The following PSMD3 variants were observed in gnomAD, a reference collection of about 807,000 sequenced individuals.
PSMD3 encodes the protein proteasome 26S subunit, non-ATPase 3, also known as 26S proteasome non-ATPase regulatory subunit 3.
Under a neutral mutation model 62.8 loss-of-function variants are expected in PSMD3, and 5 were observed. The observed-to-expected ratio is 0.08, with a 90% CI of 0.04 to 0.17. PSMD3 has a LOEUF of 0.17. PSMD3 is among the 10% of genes least tolerant of loss of function. PSMD3 has a pLI of 1.00. For missense variants in PSMD3, 524 were observed against 713.6 expected, an observed-to-expected ratio of 0.73 and a Z score of 3.03; for synonymous variants, 265 against 283.9, an observed-to-expected ratio of 0.93 and a Z score of 0.67.
Position 39,981,006 on chromosome 17 carries a change from G to T in PSMD3, c.36G>T (p.Ala12=). Residue 12 remains alanine, a synonymous_variant, in exon 1 of 12, where the codon GCG becomes GCT. Transcript: ENST00000264639. ...KQEGSARRRG[A]DKAKPPPGGG... ...AGGGCTCGGCGCGGCGCCGCGGCGC[G>T]GACAAGGCGAAACCGCCGCCCGGCG... 6.5e-7 allele frequency: 1 copy of T among 1,548,332 alleles called. No homozygotes were observed. Among genetic ancestry groups the T allele is most frequent in the Middle Eastern group, 2.0e-4 (1 of 5,030 alleles).
chr17:39,989,599 C>A, intron 4 of PSMD3, 140 bp from the exon 5 acceptor site: 1 of 818,478 alleles, frequency 1.2e-6, no homozygotes, highest in Non-Finnish European at 1.9e-6. Context: ...CTTAGGCACT[C>A]GATAGTTAAC....
In PSMD3 at chr17:39,995,720, A is replaced by T. The variant is rs915708837; in HGVS notation, c.1320+193A>T. On this transcript the variant is annotated intron_variant, in intron 9 of 11. Coordinates refer to ENST00000264639, the MANE Select transcript of PSMD3 (RefSeq NM_002809.4). The surrounding 1 kb of genome is among the most constrained non-coding windows in gnomAD (Gnocchi z 4.1). ...GCATGGATGTGCATGTGAGTGTGTG[A>T]GTGTAGGTGTGTGCACATGTTGAGT... The T allele has an allele frequency of 6.0e-5, 37 of 617,502 alleles. No homozygotes were observed. The highest frequency in any genetic ancestry group is 9.0e-5 in the Non-Finnish European group (31 of 344,388). The allele number at this position is 617,502 out of a possible 1,614,324, so 38.3% of individuals were successfully genotyped here.
intron 1 of PSMD3, among the ~76,000 whole-genome samples, chr17:39,982,384 G>A (rs1269750418): frequency 1.3e-5 from 2 of 152,108 alleles, no homozygotes; most frequent in Non-Finnish European, 2.9e-5. Flanking sequence ...TAAAAAACAT[G>A]GTTAACATTT....
chr17:39,995,325 A>AG lies in PSMD3; in HGVS notation c.1216+32dup. 6.2e-7 allele frequency: 1 copy of AG among 1,614,102 alleles called. No individual in the cohort carries two copies. Among genetic ancestry groups the AG allele is most frequent in the Non-Finnish European group, 8.5e-7 (1 of 1,180,000 alleles). On this transcript the variant is annotated intron_variant, in intron 8 of 11. Coordinates refer to ENST00000264639, the MANE Select transcript of PSMD3 (RefSeq NM_002809.4). This position sits in a 1 kb window ranked among gnomAD's most constrained non-coding sequence, Gnocchi z 4.1. ...GGATCAGGATCTGAGGGGCTGTTGG[A>AG]GGAGCAGAAGCCAGGCCAGGGCAAA...
intron 6 of PSMD3, 21 bp downstream of exon 6, chr17:39,990,218 T>A: frequency 6.9e-7 from 1 of 1,450,582 alleles, no homozygotes; most frequent in Non-Finnish European, 9.3e-7. Context: ...ACTACCATCA[T>A]CCCTTTGCCT....
In PSMD3 at chr17:39,980,840, G is replaced by C; in HGVS notation, c.-131G>C. ...CAGCGCCGGGAAGGGGTTTGCAGCT[G>C]CTCCGTCATCGTGCGGCCCGACGCT... On this transcript the variant is annotated 5_prime_UTR_variant, in exon 1 of 12. Coordinates refer to ENST00000264639, the MANE Select transcript of PSMD3 (RefSeq NM_002809.4). 1 of 835,958 alleles carries C rather than the reference G, an allele frequency of 1.2e-6. No homozygotes were observed. The highest frequency in any genetic ancestry group is 1.8e-6 in the Non-Finnish European group (1 of 568,170). 51.8% of individuals were successfully genotyped at this position (835,958 alleles called of 1,614,324 possible). A position where few individuals can be genotyped will look rare whatever the true frequency, so the allele number is the denominator to read the frequency against.
chr17:39,988,186 T>C (rs1326307211), intron 3 of PSMD3, among the ~76,000 whole-genome samples: 1 of 152,168 alleles, frequency 6.6e-6, no homozygotes, highest in Non-Finnish European at 1.5e-5. Context: ...TTCCAGAACA[T>C]TTTCATCACC....
In PSMD3 at chr17:39,996,316, A is replaced by G. The variant is rs777693949; in HGVS notation, c.1454A>G (p.Asp485Gly). 6 of 1,613,918 alleles carry G rather than the reference A, an allele frequency of 3.7e-6. No homozygotes were observed. The highest frequency in any genetic ancestry group is 5.1e-6 in the Non-Finnish European group (6 of 1,179,986). Reference protein sequence around the residue: ...AFHQRISFCLDIHNMSVKAMR... With the variant: ...AFHQRISFCLGIHNMSVKAMR... The stretch of plus-strand genomic sequence containing the variant: ...CACCAGCGCATCTCCTTCTGCCTAG[A>G]TATCCACAACATGTCTGTCAAGGTG... Residue 485 changes from aspartate (D) to glycine (G), a missense_variant, in exon 10 of 12, where the codon GAT becomes GGT. Physicochemically the swap from Asp to Gly is moderately conservative, Grantham distance 94. Around this residue, in one of 4 missense-constraint regions of PSMD3, gnomAD observed 76 missense variants for 97.3 expected, o/e 0.78. Transcript: ENST00000264639. The surrounding 1 kb of genome is among the most constrained non-coding windows in gnomAD (Gnocchi z 5.1).
Position 39,988,745 on chromosome 17 carries a change from C to G in PSMD3, c.612C>G (p.Asp204Glu). ...KISTQNRRAL[D>E]LVAAKCYYYH... ...GTACTCAGAACCGCCGGGCCCTAGACCTTGTAGCCGCAAAGTGTTACTATT... is the reference window on the plus strand; with the variant it reads ...GTACTCAGAACCGCCGGGCCCTAGAGCTTGTAGCCGCAAAGTGTTACTATT... The change falls in exon 4 of 12, where the codon GAC (aspartate) becomes GAG (glutamate). Residue 204 changes from aspartate (D) to glutamate (E), a missense_variant. By Grantham distance (45) the Asp-to-Glu change is conservative (BLOSUM62 2). Around this residue, in one of 4 missense-constraint regions of PSMD3, gnomAD observed 396 missense variants for 475.8 expected, o/e 0.83. Transcript: ENST00000264639. 1.2e-6 allele frequency: 2 copies of G among 1,614,162 alleles called. No individual in the cohort carries two copies.
At chr17:39,984,922 C>T (rs1304546528) in intron 2 of PSMD3, among the ~76,000 whole-genome samples, 7 of 151,154 alleles carry the variant, frequency 4.6e-5, no homozygotes, top group Admixed American at 2.0e-4. Flanking sequence ...GAGGCTGAGG[C>T]GGGCACAGTG....
chr17:39,986,828 C>G (rs370199818), intron 3 of PSMD3, 116 bp downstream of exon 3: 1 of 1,338,868 alleles, frequency 7.5e-7, no homozygotes. Context: ...GAACTGTCCC[C>G]CACACTCTTT....
At position 39,996,190 on chromosome 17, in the gene PSMD3, G is replaced by C; in HGVS notation, c.1328G>C (p.Arg443Pro). Reference protein sequence around the residue: ...DAEFIVAKAIRDGVIEASINH... With the variant: ...DAEFIVAKAIPDGVIEASINH... ...CTCTTTGGGGGCCTGCAGGCCATCC[G>C]GGATGGTGTCATTGAGGCCAGCATC... The change falls in exon 10 of 12, where the codon CGG becomes CCG. Residue 443 changes from arginine (R) to proline (P), a missense_variant. Arg to Pro is a moderately radical substitution (Grantham distance 103). Coordinates refer to ENST00000264639, the MANE Select transcript of PSMD3 (RefSeq NM_002809.4). This position sits in a 1 kb window ranked among gnomAD's most constrained non-coding sequence, Gnocchi z 5.1. 6.2e-7 allele frequency: 1 copy of C among 1,613,642 alleles called. No individual in the cohort carries two copies. The highest frequency in any genetic ancestry group is 8.5e-7 in the Non-Finnish European group (1 of 1,179,982).
At chr17:39,981,312 G>T in intron 1 of PSMD3, 122 bp downstream of exon 1, 1 of 1,463,054 alleles carries the variant, frequency 6.8e-7, no homozygotes, top group Non-Finnish European at 9.1e-7. Flanking sequence ...ATCACCCCCA[G>T]ATACCTGCTC....
chr17:39,990,252 G>A, intron 6 of PSMD3, 55 bp downstream of exon 6: 2 of 1,308,294 alleles, frequency 1.5e-6, no homozygotes, highest in Non-Finnish European at 2.1e-6. Context: ...TTTTTTAAAT[G>A]GTGTCTTGCT....
rs1319260383 is a variant in PSMD3 at position 39,981,207 on chromosome 17, C to G, written c.220+17C>G. 1 of 1,549,412 alleles carries G rather than the reference C, an allele frequency of 6.5e-7. No homozygotes were observed. Among genetic ancestry groups the G allele is most frequent in the African/African-American group, 1.4e-5 (1 of 73,060 alleles). ...CCTTGGAGGGTACGGCAGCCCAGGC[C>G]GGGAACGTGCCGCGATCGCGGGTGA... is the stretch of plus-strand genomic sequence containing the variant. On this transcript the variant is annotated intron_variant, in intron 1 of 11. Transcript: ENST00000264639.
At position 39,991,241 on chromosome 17, in the gene PSMD3, GTC is replaced by G. The variant is rs534413057; in HGVS notation, c.981+1046_981+1047del. 3.3e-5 allele frequency among the ~76,000 whole-genome samples: 5 copies of G among 152,164 alleles called. No homozygotes were observed. In the South Asian group the frequency reaches 1.0e-3, roughly 32 times the overall value. On this transcript the variant is annotated intron_variant, in intron 6 of 11. Coordinates refer to ENST00000264639, the MANE Select transcript of PSMD3 (RefSeq NM_002809.4). ...GCCATCTTGGCTCACTGCAACCCCT[GTC>G]TTTGGGGTTCAAGGGATTCTCCTGC...
chr17:39,994,619 C>G (rs745979656), intron 6 of PSMD3: 5 of 333,974 alleles, frequency 1.5e-5, no homozygotes, highest in Non-Finnish European at 2.9e-5. Context: ...CCTGGTCCCT[C>G]GCTGTTGCTG....
At chr17:39,988,591 T>C in intron 3 of PSMD3, 92 bp from the exon 4 acceptor site, 11 of 1,424,050 alleles carry the variant, frequency 7.7e-6, no homozygotes, top group Non-Finnish European at 9.6e-6. Flanking sequence ...TTGGCTTGCA[T>C]ACCTAGGATA....
chr17:39,997,383 A>G lies in PSMD3; in HGVS notation c.1527+3A>G. 1 of 1,614,096 alleles carries G rather than the reference A, an allele frequency of 6.2e-7. No homozygotes were observed. ...ACAAGGACTTGGAGTCTGCAGAGGT[A>G]AGCTCTCTGCTTTCTGGGTGAGACC... On this transcript the variant is annotated splice_donor_region_variant and intron_variant, in intron 11 of 11. Transcript: ENST00000264639.
Sources: allele counts gnomAD v4.1 joint callset (sites outside exome capture counted in the v4.1 genomes callset), GRCh38; gene constraint gnomAD v4.1.1; regional missense constraint gnomAD v4.1.1; non-coding constraint Gnocchi (gnomAD v3.1); transcripts MANE v1.5; gene names NCBI Gene and HGNC (gene_info 2026-07-23, HGNC 2026-07-21).